Variants in CDK1 observed in about 807,000 individuals in gnomAD.
The protein encoded by CDK1 is cyclin-dependent kinase 1.
Under a neutral mutation model 34.6 loss-of-function variants are expected in CDK1, and 5 were observed. That is an observed-to-expected ratio of 0.14 (90% CI 0.08 to 0.30). The LOEUF (loss-of-function observed/expected upper bound fraction) is 0.30. Ranked by LOEUF, CDK1 falls within the 10% of genes least tolerant of loss-of-function variation. CDK1 has a pLI of 1.00. For synonymous variants in CDK1, 108 were observed against 114.7 expected (o/e 0.94, Z 0.37); for missense variants, 157 against 345.7 (o/e 0.45, Z 4.33).
At chr10:60,793,002 G>T (rs992430778) in intron 7 of CDK1, among the ~76,000 whole-genome samples, 1 of 152,042 alleles carries the variant, frequency 6.6e-6, no homozygotes, top group Non-Finnish European at 1.5e-5. Flanking sequence ...ACAACCAAAA[G>T]TGTCTCCAGA....
intron 1 of CDK1, among the ~76,000 whole-genome samples, chr10:60,778,929 G>A (rs1162133860): frequency 6.6e-6 from 1 of 152,182 alleles, no homozygotes; most frequent in Non-Finnish European, 1.5e-5. Flanking sequence ...CGCCTGCGGA[G>A]TAGCAGGCTC....
In CDK1 at chr10:60,785,692, A is replaced by G; in HGVS notation, c.223A>G (p.Arg75Gly). 1 of 1,608,342 alleles carries G rather than the reference A, an allele frequency of 6.2e-7. No individual in the cohort carries two copies. Among genetic ancestry groups the G allele is most frequent in the South Asian group, 1.1e-5 (1 of 90,028 alleles). The change falls in exon 4 of 8, where the codon AGG becomes GGG. Residue 75 changes from arginine to glycine, a missense_variant. This residue lies in a region of CDK1 where 53 missense variants were observed against 89.2 expected (regional missense o/e 0.59). Transcript: ENST00000395284. ...SLQDVLMQDS[R>G]LYLIFEFLSM... ...TCAGGATGTGCTTATGCAGGATTCC[A>G]GGTTATATCTCATCTTTGAGTTTCT...
chr10:60,780,289 A>C (rs575677463), intron 2 of CDK1, 87 bp downstream of exon 2: 53 of 774,764 alleles, frequency 6.8e-5, no homozygotes, highest in Non-Finnish European at 1.1e-4. Flanking sequence ...ATATTTATTA[A>C]AATTCAACCA....
intron 5 of CDK1, among the ~76,000 whole-genome samples, chr10:60,788,925 C>G (rs1190080843): frequency 6.6e-6 from 1 of 151,988 alleles, no homozygotes; most frequent in Non-Finnish European, 1.5e-5. Flanking sequence ...TTTTACATGG[C>G]TATATAAATA....
rs768966091 is a variant in CDK1, at chr10:60,792,076, A to C, written c.653+23A>C. The C allele has an allele frequency of 5.6e-6, 9 of 1,604,172 alleles. No individual in the cohort carries two copies. The African/African-American group carries it at 1.1e-4, about 19-fold the overall frequency. On this transcript the variant is annotated intron_variant, in intron 6 of 7. Coordinates refer to ENST00000395284, the MANE Select transcript of CDK1 (RefSeq NM_001786.5). ...CAGGTAGCTATTAAAAACTGAGATA[A>C]TAAAGGTAACATATATGTAACAATG...
intron 4 of CDK1, 89 bp downstream of exon 4, chr10:60,785,876 CTTGGAAAAAGTG>C: frequency 7.3e-7 from 1 of 1,370,864 alleles, no homozygotes; most frequent in South Asian, 2.1e-5. Context: ...TGGGAATATG[CTTGGAAAAAGTG>C]TTAGAATAAG....
At chr10:60,791,825 A>T in intron 5 of CDK1, 65 bp from the exon 6 acceptor site, 2 of 831,024 alleles carry the variant, frequency 2.4e-6, no homozygotes, top group Non-Finnish European at 3.8e-6. Context: ...TAAAAATATA[A>T]ATGTTTAAGT....
chr10:60,784,494 G>A (rs576082241), intron 2 of CDK1, among the ~76,000 whole-genome samples: 1 of 152,220 alleles, frequency 6.6e-6, no homozygotes, highest in South Asian at 2.1e-4. Context: ...GCCGAGTGTG[G>A]TGGCATGTGC....
At chr10:60,779,183 A>G (rs1285781906) in intron 1 of CDK1, among the ~76,000 whole-genome samples, 6 of 152,222 alleles carry the variant, frequency 3.9e-5, no homozygotes, top group African/African-American at 1.4e-4. Context: ...TTTTCATTTA[A>G]AAAGATACAT....
chr10:60,785,047 G>A (rs554215897), intron 3 of CDK1, among the ~76,000 whole-genome samples, 186 bp downstream of exon 3: 7 of 152,314 alleles, frequency 4.6e-5, no homozygotes, highest in Admixed American at 4.6e-4. Context: ...AGCAGGAACA[G>A]AGTTGGAGGA....
At chr10:60,788,912 T>G (rs2080336460) in intron 5 of CDK1, among the ~76,000 whole-genome samples, 1 of 152,086 alleles carries the variant, frequency 6.6e-6, no homozygotes, top group African/African-American at 2.4e-5. Context: ...GTCTTTATCA[T>G]TTTTTTACAT....
chr10:60,780,449 C>A (rs2080263588), intron 2 of CDK1, among the ~76,000 whole-genome samples: 1 of 152,158 alleles, frequency 6.6e-6, no homozygotes, highest in South Asian at 2.1e-4. Flanking sequence ...TGATACTAAA[C>A]ACTTATAGTA....
At chr10:60,785,325 T>G (rs2080306556) in intron 3 of CDK1, among the ~76,000 whole-genome samples, 2 of 152,186 alleles carry the variant, frequency 1.3e-5, no homozygotes. Flanking sequence ...GGGCTAGAGA[T>G]TGGAAGTAGC....
chr10:60,785,937 A>G, intron 4 of CDK1, 150 bp downstream of exon 4: 2 of 1,278,444 alleles, frequency 1.6e-6, no homozygotes, highest in Non-Finnish European at 2.0e-6. Context: ...GTTAGTTTAT[A>G]CAGGTTAGAG....
intron 7 of CDK1, among the ~76,000 whole-genome samples, chr10:60,792,495 A>T (rs559338756): frequency 1.3e-5 from 2 of 152,064 alleles, no homozygotes; most frequent in East Asian, 3.9e-4. Flanking sequence ...TTTGTTTTTT[A>T]TCTGACAGGT....
intron 1 of CDK1, among the ~76,000 whole-genome samples, 158 bp from the exon 2 acceptor site, chr10:60,779,983 C>G (rs2080258074): frequency 6.6e-6 from 1 of 152,114 alleles, no homozygotes; most frequent in South Asian, 2.1e-4. Context: ...TGTAGGAGTC[C>G]TTACCCTTGT....
chr10:60,790,958 A>G (rs2080355846), intron 5 of CDK1, among the ~76,000 whole-genome samples: 1 of 152,088 alleles, frequency 6.6e-6, no homozygotes, highest in Admixed American at 6.6e-5. Context: ...AAGTCAGGTG[A>G]TACGATGCCT....
chr10:60,790,888 G>A lies in CDK1; in HGVS notation c.490-1002G>A, dbSNP rs148404834. ...TCTATTTTGTTCTGTTGGTCTCTGC[G>A]TCCTTTTTTATACTAATATCATGAT... is the stretch of plus-strand genomic sequence containing the variant. On this transcript the variant is annotated intron_variant, in intron 5 of 7. Coordinates refer to ENST00000395284, the MANE Select transcript of CDK1 (RefSeq NM_001786.5). Among the ~76,000 whole-genome samples, 72 of 152,162 alleles carry A rather than the reference G, an allele frequency of 4.7e-4. 1 individual carries two copies. The highest frequency in any genetic ancestry group is 1.5e-3 in the African/African-American group (64 of 41,532).
intron 2 of CDK1, chr10:60,783,469 T>C (rs2080289621): frequency 6.6e-6 from 1 of 152,162 alleles, no homozygotes; most frequent in Non-Finnish European, 1.5e-5. Flanking sequence ...GTTGTTAGCC[T>C]TTTTTAAAAT....
Sources: allele counts gnomAD v4.1 joint callset (sites outside exome capture counted in the v4.1 genomes callset), GRCh38; gene constraint gnomAD v4.1.1; regional missense constraint gnomAD v4.1.1; transcripts MANE v1.5; gene names NCBI Gene and HGNC (gene_info 2026-07-23, HGNC 2026-07-21).